The following FBLN5 variants were observed in gnomAD, a reference collection of about 807,000 sequenced individuals.
FBLN5 encodes the protein fibulin 5.
FBLN5 carries 24 observed loss-of-function variants against 61.6 expected under a neutral mutation model. The observed-to-expected ratio is 0.39, with a 90% CI of 0.28 to 0.55. The LOEUF (loss-of-function observed/expected upper bound fraction) is 0.55, where lower values mean the gene tolerates loss of function less well. Ranked by LOEUF, FBLN5 falls within the 20% of genes least tolerant of loss-of-function variation. FBLN5 has a pLI of 0.65. For missense variants in FBLN5, 470 were observed against 594.1 expected, an observed-to-expected ratio of 0.79 and a Z score of 2.17; for synonymous variants, 213 against 219.8, an observed-to-expected ratio of 0.97 and a Z score of 0.27.
In FBLN5 at chr14:91,892,917, G is replaced by T. The variant is rs193239385; in HGVS notation, c.503-1580C>A. On this transcript the variant is annotated intron_variant, in intron 5 of 10. Transcript: ENST00000342058. ...TTCCTTTCAGATGTGAATATGAGTG[G>T]CTGGGCCACATGGTACCATGCTAGG... Among the ~76,000 whole-genome samples the T allele has an allele frequency of 6.6e-5, 10 of 152,350 alleles. No individual in the cohort carries two copies. The East Asian group carries it at 1.9e-3, about 29-fold the overall frequency.
intron 4 of FBLN5, among the ~76,000 whole-genome samples, chr14:91,927,877 T>C (rs1297182651): frequency 6.6e-6 from 1 of 152,198 alleles, no homozygotes; most frequent in African/African-American, 2.4e-5. Context: ...GAAATAAAAG[T>C]AACATGACTA....
At chr14:91,898,694 C>G (rs1044310440) in intron 4 of FBLN5, among the ~76,000 whole-genome samples, 2 of 151,236 alleles carry the variant, frequency 1.3e-5, no homozygotes, top group African/African-American at 2.4e-5. Flanking sequence ...GGTCTGCTTT[C>G]TTTTCCTGTG....
At chr14:91,928,676 ATGGGAGGGTCACTTATGCC>A (rs1427017134) in intron 4 of FBLN5, among the ~76,000 whole-genome samples, 1 of 142,086 alleles carries the variant, frequency 7.0e-6, no homozygotes, top group Non-Finnish European at 1.5e-5. Flanking sequence ...GGAGGCTGAG[ATGGGAGGGTCACTTATGCC>A]TGGGAGGTTG....
chr14:91,870,279 A>G lies in FBLN5; in HGVS notation c.1292T>C (p.Phe431Ser). The G allele has an allele frequency of 6.2e-7, 1 of 1,614,214 alleles. No homozygotes were observed. The highest frequency in any genetic ancestry group is 1.1e-5 in the South Asian group (1 of 91,088). ...EMITVNTVIN[F>S]RGSSVIRLRI... The stretch of plus-strand genomic sequence containing the variant: ...CAGTCGGATCACGGAGCTGCCTCTG[A>G]AGTTGATGACAGTGTTGACAGTGAT... Residue 431 changes from phenylalanine (F) to serine (S), a missense_variant, in exon 11 of 11, where the codon TTC becomes TCC. By Grantham distance (155) the Phe-to-Ser change is radical. Coordinates refer to ENST00000342058, the MANE Select transcript of FBLN5 (RefSeq NM_006329.4).
At chr14:91,891,451 G>A in intron 5 of FBLN5, 114 bp from the exon 6 acceptor site, 1 of 780,834 alleles carries the variant, frequency 1.3e-6, no homozygotes, top group Non-Finnish European at 2.3e-6. Flanking sequence ...GGAAGCAAAT[G>A]GGAACAGGAG....
intron 4 of FBLN5, among the ~76,000 whole-genome samples, chr14:91,922,135 A>C (rs540214775): frequency 6.6e-6 from 1 of 152,122 alleles, no homozygotes; most frequent in East Asian, 1.9e-4. Context: ...TCTACTAAAA[A>C]TACAAAAATT....
At chr14:91,884,768 C>A (rs955952936) in intron 7 of FBLN5, among the ~76,000 whole-genome samples, 1 of 152,240 alleles carries the variant, frequency 6.6e-6, no homozygotes, top group Admixed American at 6.5e-5. Context: ...AGCTCCAGGG[C>A]AGATGGAGAG....
At position 91,928,915 on chromosome 14, in the gene FBLN5, G is replaced by A. The variant is rs554185623; in HGVS notation, c.379+8032C>T. Among the ~76,000 whole-genome samples, 163 of 151,888 alleles carry A rather than the reference G, an allele frequency of 1.1e-3. 2 individuals are homozygous for A. The South Asian group carries it at 0.018, about 17-fold the overall frequency. On this transcript the variant is annotated intron_variant, in intron 4 of 10. Transcript: ENST00000342058. ...CTACTAAAAATACAAAAAATTAGCCGGGTGCAGTGGCAGGCGCCTGTAGTC... is the reference window on the plus strand; with the variant it reads ...CTACTAAAAATACAAAAAATTAGCCAGGTGCAGTGGCAGGCGCCTGTAGTC...
rs117042873 is a variant in FBLN5 at position 91,905,017 on chromosome 14, G to A, written c.380-9945C>T. ...ATTGACATCAACAGGACCTCTCAGG[G>A]GATACCCAGGAAATCTATTTTTCAA... On this transcript the variant is annotated intron_variant, in intron 4 of 10. Coordinates refer to ENST00000342058, the MANE Select transcript of FBLN5 (RefSeq NM_006329.4). Among the ~76,000 whole-genome samples, 643 of 152,246 alleles carry A rather than the reference G, an allele frequency of 4.2e-3. 2 individuals are homozygous for A. The highest frequency in any genetic ancestry group is 7.0e-3 in the Non-Finnish European group (475 of 68,014).
intron 1 of FBLN5, among the ~76,000 whole-genome samples, chr14:91,945,228 CA>C (rs545285563): frequency 3.7e-3 from 239 of 64,878 alleles, no homozygotes; most frequent in Middle Eastern, 0.01. Flanking sequence ...GACTCCGTCT[CA>C]AAAAAAAAAA....
intron 5 of FBLN5, among the ~76,000 whole-genome samples, chr14:91,891,808 C>T (rs540951980): frequency 1.5e-4 from 23 of 152,272 alleles, no homozygotes; most frequent in African/African-American, 5.1e-4. Context: ...CTTCTTAACA[C>T]GTAAGAAGAA....
Position 91,870,404 on chromosome 14 carries a change from A to G in FBLN5, c.1186-19T>C, listed in dbSNP as rs575550994. 1.1e-4 allele frequency: 177 copies of G among 1,612,914 alleles called. 4 individuals are homozygous for G. In the South Asian group the frequency reaches 1.9e-3, roughly 17 times the overall value. On this transcript the variant is annotated intron_variant, in intron 10 of 10. Coordinates refer to ENST00000342058, the MANE Select transcript of FBLN5 (RefSeq NM_006329.4). ...CCGTTTGCTATGGACAGAACCGGGG[A>G]ACACCAGTGAGAAAAGGCCTGCATG...
chr14:91,931,574 T>C (rs941314180), intron 4 of FBLN5, among the ~76,000 whole-genome samples: 11 of 152,208 alleles, frequency 7.2e-5, no homozygotes, highest in Non-Finnish European at 1.5e-4. Flanking sequence ...AATCAAGATA[T>C]TGCTTGTAAT....
rs1252003050 is a variant in FBLN5, at chr14:91,943,408, G to A, written c.18-447C>T. Among the ~76,000 whole-genome samples the A allele has an allele frequency of 6.6e-6, 1 of 151,946 alleles. No individual in the cohort carries two copies. On this transcript the variant is annotated intron_variant, in intron 1 of 10. Transcript: ENST00000342058. The surrounding 1 kb of genome is among the most constrained non-coding windows in gnomAD (Gnocchi z 4.0). Reference sequence around the variant, plus strand: ...CGCCTAAAGTCCCAGCTACTCAGGAGGCTGAGGTGGGATCACCTGAGCCCA... The same window carrying A: ...CGCCTAAAGTCCCAGCTACTCAGGAAGCTGAGGTGGGATCACCTGAGCCCA...
At chr14:91,942,412 G>A (rs1566831232) in intron 2 of FBLN5, among the ~76,000 whole-genome samples, 1 of 152,208 alleles carries the variant, frequency 6.6e-6, no homozygotes, top group Admixed American at 6.5e-5. Flanking sequence ...GCAGACCCGT[G>A]GGGGTCCTCA....
At chr14:91,884,154 C>T (rs1440455747) in intron 7 of FBLN5, among the ~76,000 whole-genome samples, 5 of 152,178 alleles carry the variant, frequency 3.3e-5, no homozygotes, top group Non-Finnish European at 7.3e-5. Flanking sequence ...CAGATAATTC[C>T]GGGTGTTACA....
chr14:91,930,111 G>A (rs2055898238), intron 4 of FBLN5, among the ~76,000 whole-genome samples: 1 of 152,228 alleles, frequency 6.6e-6, no homozygotes, highest in Non-Finnish European at 1.5e-5. Flanking sequence ...GTTTGGAGCA[G>A]GAGAAGTCAT....
chr14:91,936,070 T>C (rs1225061370), intron 4 of FBLN5, among the ~76,000 whole-genome samples: 1 of 152,064 alleles, frequency 6.6e-6, no homozygotes, highest in Non-Finnish European at 1.5e-5. Context: ...CAACACAGCT[T>C]CCCTAATAGT....
intron 5 of FBLN5, 71 bp downstream of exon 5, chr14:91,894,879 C>G (rs1890155703): frequency 7.0e-7 from 1 of 1,431,372 alleles, no homozygotes; most frequent in East Asian, 3.1e-5. Flanking sequence ...CCAGCTATGC[C>G]CATACCTCAA....
Sources: gnomAD v4.1 joint callset for allele counts (sites outside exome capture counted in the v4.1 genomes callset) on GRCh38, gnomAD v4.1.1 for gene constraint, Gnocchi (gnomAD v3.1) non-coding constraint, MANE v1.5 for transcripts, NCBI Gene and HGNC (gene_info 2026-07-23, HGNC 2026-07-21) for gene names.